The following ZNF232 variants were observed in gnomAD, a reference collection of about 807,000 sequenced individuals.
ZNF232 encodes zinc finger protein 232.
In ZNF232, 25 loss-of-function variants were observed where a neutral mutation model predicts 25.2. The observed-to-expected ratio is 0.99, with a 90% confidence interval of 0.72 to 1.39. The LOEUF (loss-of-function observed/expected upper bound fraction) is 1.39. Among genes scored for constraint, ZNF232 ranks in the 40% most tolerant of loss-of-function variants. ZNF232 has a pLI of 0.00. For missense variants in ZNF232, 519 were observed against 520.9 expected (o/e 1.00, Z 0.04); for synonymous variants, 193 against 182.9 (o/e 1.06, Z -0.45).
At chr17:5,111,369 A>G (rs976451304) in intron 1 of ZNF232, 12 of 223,608 alleles carry the variant, frequency 5.4e-5, no homozygotes, top group African/African-American at 2.3e-4. Flanking sequence ...AGAGGCCACG[A>G]AAGGAGCACA....
chr17:5,115,215 T>C (rs1033108064), upstream of ZNF232, among the ~76,000 whole-genome samples: 5 of 151,942 alleles, frequency 3.3e-5, no homozygotes, highest in Non-Finnish European at 1.5e-5. Flanking sequence ...TGGAAGGAGA[T>C]GTGGCCAGTG....
upstream of ZNF232, chr17:5,112,191 G>A (rs527667716): frequency 3.8e-5 from 13 of 342,718 alleles, no homozygotes; most frequent in African/African-American, 2.4e-4. Context: ...CTGGCGGACA[G>A]ATGTCAGGGA....
At chr17:5,108,348 CAAG>C (rs1166060202) in intron 3 of ZNF232, among the ~76,000 whole-genome samples, 2 of 151,948 alleles carry the variant, frequency 1.3e-5, no homozygotes, top group Admixed American at 6.6e-5. Context: ...GTATGCAGGC[CAAG>C]AAGGAAGTTT....
intron 3 of ZNF232, among the ~76,000 whole-genome samples, chr17:5,107,394 GA>G (rs749338515): frequency 0.063 from 3,860 of 60,872 alleles, 122 homozygotes; most frequent in African/African-American, 0.22. Context: ...TCTCAAAAAG[GA>G]AAAAAAAAAA....
At chr17:5,109,740 A>G in exon 2 of ZNF232, 1 of 1,614,116 alleles carries the variant, frequency 6.2e-7, no homozygotes. Flanking sequence ...TGGTCCCATC[A>G]TCATCATCTT....
At chr17:5,119,300 G>A (rs770851228) in intron 1 of ZNF232, among the ~76,000 whole-genome samples, 5 of 152,178 alleles carry the variant, frequency 3.3e-5, no homozygotes, top group African/African-American at 7.2e-5. Flanking sequence ...TCCCTAACAG[G>A]TAGGTTTTAT....
chr17:5,111,611 C>A (rs2072412036), intron 1 of ZNF232, 189 bp downstream of exon 1: 1 of 790,840 alleles, frequency 1.3e-6, no homozygotes, highest in Non-Finnish European at 2.0e-6. Context: ...CAAGACCCCC[C>A]TCCACGGCAC....
At chr17:5,112,042 C>A (rs1026266445), upstream of ZNF232, 8 of 666,162 alleles carry the variant, frequency 1.2e-5, no homozygotes, top group African/African-American at 1.5e-4. Flanking sequence ...GCCGCCTGCA[C>A]GACTGGACTG....
At chr17:5,115,015 T>C (rs1396993374), upstream of ZNF232, 1 of 152,156 alleles carries the variant, frequency 6.6e-6, no homozygotes, top group Non-Finnish European at 1.5e-5. Context: ...ATCCAGTCTA[T>C]GGTATTTTGT....
At chr17:5,106,199 G>A in exon 4 of ZNF232, 2 of 1,614,194 alleles carry the variant, frequency 1.2e-6, no homozygotes, top group Non-Finnish European at 1.7e-6. Context: ...CTCTCTGGTG[G>A]ACAACAAGAT....
chr17:5,111,389 C>G (rs989726566), intron 1 of ZNF232: 1 of 262,988 alleles, frequency 3.8e-6, no homozygotes, highest in African/African-American at 2.2e-5. Context: ...AAAGGGGGAC[C>G]GCTGGCCTAA....
chr17:5,116,047 CGGCGGGACG>C (rs1195763406), upstream of ZNF232, among the ~76,000 whole-genome samples: 1 of 152,234 alleles, frequency 6.6e-6, no homozygotes, highest in African/African-American at 2.4e-5. Context: ...GCTAGCGGCG[CGGCGGGACG>C]GGCGGGCCCC....
upstream of ZNF232, chr17:5,116,604 C>G (rs191626600): frequency 1.0e-3 from 154 of 152,414 alleles, 1 homozygote; most frequent in African/African-American, 3.4e-3. Context: ...TAGACCCTCA[C>G]CAGGGGTCTG....
intron 3 of ZNF232, among the ~76,000 whole-genome samples, chr17:5,107,318 G>A (rs1233576096): frequency 7.0e-6 from 1 of 142,710 alleles, no homozygotes; most frequent in Non-Finnish European, 1.5e-5. Context: ...AACCCGGGAA[G>A]TGGAGCTTGC....
chr17:5,113,908 G>A (rs749798624), upstream of ZNF232: 27 of 152,234 alleles, frequency 1.8e-4, no homozygotes, highest in Non-Finnish European at 1.8e-4. Flanking sequence ...TTTTCCTGTG[G>A]TGTGGAACCT....
At chr17:5,111,986 A>G, upstream of ZNF232, 1 of 1,048,530 alleles carries the variant, frequency 9.5e-7, no homozygotes, top group Non-Finnish European at 1.3e-6. Flanking sequence ...AGAGGCTGGG[A>G]GCCCGGGAAC....
At chr17:5,114,172 A>G (rs1048182158), upstream of ZNF232, 28 of 152,130 alleles carry the variant, frequency 1.8e-4, no homozygotes, top group African/African-American at 6.8e-4. Context: ...ATGATTCTGT[A>G]TGGTTTCTTT....
upstream of ZNF232, chr17:5,113,719 A>G (rs2072468680): frequency 6.6e-6 from 1 of 152,250 alleles, no homozygotes; most frequent in African/African-American, 2.4e-5. Context: ...TCCCAGAAAG[A>G]CATCCACCCT....
chr17:5,110,321 G>A (rs2072371517), intron 1 of ZNF232, among the ~76,000 whole-genome samples: 1 of 152,122 alleles, frequency 6.6e-6, no homozygotes, highest in Non-Finnish European at 1.5e-5. Flanking sequence ...CTAAGTCAAT[G>A]TTTTTGAGAA....
Sources: gnomAD v4.1 joint callset for allele counts (sites outside exome capture counted in the v4.1 genomes callset) on GRCh38, gnomAD v4.1.1 for gene constraint, MANE v1.5 for transcripts, NCBI Gene and HGNC (gene_info 2026-07-23, HGNC 2026-07-21) for gene names.